The following DLG4 variants were observed in gnomAD, a reference collection of about 807,000 sequenced individuals.
The protein encoded by DLG4 is disks large homolog 4.
In DLG4, 7 loss-of-function variants were observed where a neutral mutation model predicts 93.8. The observed-to-expected ratio is 0.07, with a 90% CI of 0.04 to 0.14. DLG4 has a LOEUF of 0.14. DLG4 is among the 10% of genes least tolerant of loss of function. The pLI is 1.00. For synonymous variants in DLG4, 341 were observed against 387.6 expected, an observed-to-expected ratio of 0.88 and a Z score of 1.41; for missense variants, 545 against 992.9, an observed-to-expected ratio of 0.55 and a Z score of 6.06.
intron 8 of DLG4, among the ~76,000 whole-genome samples, chr17:7,199,691 T>G (rs2070010293): frequency 6.6e-6 from 1 of 151,892 alleles, no homozygotes; most frequent in Non-Finnish European, 1.5e-5. Flanking sequence ...CCAAAGATTT[T>G]AAATTGGCTG....
rs1272686835 is a variant in DLG4, at chr17:7,189,552, G to A, written c.*1156C>T. On this transcript the variant is annotated 3_prime_UTR_variant, in exon 20 of 20. Coordinates refer to ENST00000399506, the MANE Select transcript of DLG4 (RefSeq NM_001321075.3). ...ATCCTAGCTCTGTCCACAACTCCAT[G>A]AACATGAATGAACGAAGTTTCCTCT... 6.6e-6 allele frequency among the ~76,000 whole-genome samples: 1 copy of A among 152,072 alleles called. No homozygotes were observed. The highest frequency in any genetic ancestry group is 1.5e-5 in the Non-Finnish European group (1 of 68,024).
At position 7,190,704 on chromosome 17, in the gene DLG4, G is replaced by A. The variant is rs759224081; in HGVS notation, c.*4C>T. ...GGCGAGTCCAGGCCAAGCCAGGGCA[G>A]GAATCAGAGTCTCTCTCGGGCTGGA... is the stretch of plus-strand genomic sequence containing the variant. On this transcript the variant is annotated 3_prime_UTR_variant, in exon 20 of 20. Coordinates refer to ENST00000399506, the MANE Select transcript of DLG4 (RefSeq NM_001321075.3). 9 of 1,612,452 alleles carry A rather than the reference G, an allele frequency of 5.6e-6. No homozygotes were observed. Among genetic ancestry groups the A allele is most frequent in the Non-Finnish European group, 7.6e-6 (9 of 1,178,624 alleles).
intron 1 of DLG4, chr17:7,211,769 G>T (rs2070717957): frequency 7.6e-6 from 1 of 131,208 alleles, no homozygotes; most frequent in African/African-American, 3.0e-5. Context: ...TGGGGGAGGG[G>T]GAGGGGCAGA....
chr17:7,211,766 G>A (rs2070717523), intron 1 of DLG4: 1 of 131,970 alleles, frequency 7.6e-6, no homozygotes, highest in Non-Finnish European at 1.6e-5. Flanking sequence ...GGTTGGGGGA[G>A]GGGGAGGGGC....
chr17:7,214,589 T>C (rs1196817641), intron 1 of DLG4, among the ~76,000 whole-genome samples: 1 of 152,148 alleles, frequency 6.6e-6, no homozygotes, highest in Non-Finnish European at 1.5e-5. Context: ...ACCGCTTCGC[T>C]CCTGGGGCTC....
chr17:7,202,964 C>T lies in DLG4; in HGVS notation c.726G>A (p.Lys242=). 2 of 1,613,986 alleles carry T rather than the reference C, an allele frequency of 1.2e-6. No individual in the cohort carries two copies. Among genetic ancestry groups the T allele is most frequent in the Non-Finnish European group, 1.7e-6 (2 of 1,179,876 alleles). ...LKNTYDVVYL[K]VAKPSNAYLS... ...GGTAGGCATTGCTGGGCTTGGCCAC[C>T]TTTAGGTAGACAACATCATACGTGT... The change falls in exon 8 of 20, where the codon AAG becomes AAA. Residue 242 remains lysine, a synonymous_variant. Transcript: ENST00000399506.
upstream of DLG4, chr17:7,218,299 C>T: frequency 6.2e-7 from 1 of 1,605,122 alleles, no homozygotes; most frequent in African/African-American, 1.3e-5. Flanking sequence ...AGGAACAGAA[C>T]TGAGTTACCT....
chr17:7,200,362 G>A (rs951773617), intron 8 of DLG4, among the ~76,000 whole-genome samples: 6 of 152,082 alleles, frequency 3.9e-5, no homozygotes, highest in African/African-American at 7.2e-5. Flanking sequence ...CTTGTTTTAT[G>A]TCTTTCAGTA....
intron 1 of DLG4, among the ~76,000 whole-genome samples, chr17:7,212,525 G>A (rs1402555918): frequency 6.6e-6 from 1 of 152,086 alleles, no homozygotes; most frequent in Non-Finnish European, 1.5e-5. Flanking sequence ...AATCTAATAA[G>A]ATACTCATGA....
rs369651977 is a variant in DLG4 at position 7,203,036 on chromosome 17, C to T, written c.654G>A (p.Val218=). The change falls in exon 8 of 20, where the codon GTG becomes GTA. Residue 218 remains valine (V), a synonymous_variant. Transcript: ENST00000399506. The surrounding 1 kb of genome is among the most constrained non-coding windows in gnomAD (Gnocchi z 7.2). ...CTTCATGCATGACGTCCTCTAGCCC[C>T]ACACTGTTGACCTGGAGTCAAGGAA... is the stretch of plus-strand genomic sequence containing the variant. The part of the protein sequence containing the change: ...IGDKILAVNS[V]GLEDVMHEDA... 5.0e-6 allele frequency: 8 copies of T among 1,605,930 alleles called. No homozygotes were observed. The African/African-American group carries it at 9.4e-5, about 19-fold the overall frequency.
At position 7,196,593 on chromosome 17, in the gene DLG4, G is replaced by A; in HGVS notation, c.1084-18C>T. The A allele has an allele frequency of 1.9e-6, 3 of 1,613,342 alleles. No individual in the cohort carries two copies. Among genetic ancestry groups the A allele is most frequent in the Non-Finnish European group, 1.7e-6 (2 of 1,179,340 alleles). On this transcript the variant is annotated intron_variant, in intron 9 of 19. Transcript: ENST00000399506. This position sits in a 1 kb window ranked among gnomAD's most constrained non-coding sequence, Gnocchi z 8.3. ...CCGTTGACCTAGAGAGAGGACGACAGGCTGTGTCACCAGAGACAGGAGGCA... is the reference window on the plus strand; with the variant it reads ...CCGTTGACCTAGAGAGAGGACGACAAGCTGTGTCACCAGAGACAGGAGGCA...
At position 7,188,203 on chromosome 17, in the gene DLG4, T is replaced by C. The variant is rs1034478696; in HGVS notation, c.*2505A>G. Among the ~76,000 whole-genome samples, 5 of 152,106 alleles carry C rather than the reference T, an allele frequency of 3.3e-5. No individual in the cohort carries two copies. Among genetic ancestry groups the C allele is most frequent in the Non-Finnish European group, 5.9e-5 (4 of 68,024 alleles). On this transcript the variant is annotated 3_prime_UTR_variant, in exon 20 of 20. Coordinates refer to ENST00000399506, the MANE Select transcript of DLG4 (RefSeq NM_001321075.3). ...GGATCCTGATGGACTCGGTCCTGCA[T>C]AGAAAATCCTGCAGGGCAATACGTG...
At chr17:7,219,617 C>G (rs1001450141), upstream of DLG4, 1 of 1,206,590 alleles carries the variant, frequency 8.3e-7, no homozygotes, top group Non-Finnish European at 1.0e-6. Context: ...CTACTTTTCC[C>G]TTCTAACCCC....
chr17:7,188,395 G>T lies in DLG4; in HGVS notation c.*2313C>A, dbSNP rs1248887977. ...GCTACAAAAAATGCCCTTTTGCACT[G>T]TTTGGGATTTAACCACCATAACTCT... On this transcript the variant is annotated 3_prime_UTR_variant, in exon 20 of 20. Transcript: ENST00000399506. Among the ~76,000 whole-genome samples the T allele has an allele frequency of 6.6e-6, 1 of 152,134 alleles. No individual in the cohort carries two copies. Among genetic ancestry groups the T allele is most frequent in the African/African-American group, 2.4e-5 (1 of 41,422 alleles).
chr17:7,191,421 T>G lies in DLG4; in HGVS notation c.1977-63A>C. ...CCACCTGACCCTGCCTTTTATCTCC[T>G]CTATCCAGGAATGTTAAGTATTCTT... On this transcript the variant is annotated intron_variant, in intron 18 of 19. Coordinates refer to ENST00000399506, the MANE Select transcript of DLG4 (RefSeq NM_001321075.3). This position sits in a 1 kb window ranked among gnomAD's most constrained non-coding sequence, Gnocchi z 6.6. 8.0e-7 allele frequency: 1 copy of G among 1,244,886 alleles called. No individual in the cohort carries two copies. The highest frequency in any genetic ancestry group is 1.2e-6 in the Non-Finnish European group (1 of 848,436). The allele number at this position is 1,244,886 out of a possible 1,614,324, so 77.1% of individuals were successfully genotyped here.
upstream of DLG4, chr17:7,217,896 A>G: frequency 7.2e-7 from 1 of 1,395,414 alleles, no homozygotes; most frequent in African/African-American, 1.4e-5. Flanking sequence ...TACGGGAGGG[A>G]GGCCTCTCGG....
upstream of DLG4, chr17:7,219,377 G>A (rs535984005): frequency 9.9e-6 from 10 of 1,012,490 alleles, no homozygotes; most frequent in South Asian, 3.5e-4. Context: ...TACTAAGGGA[G>A]GGGCAGTGAA....
At chr17:7,213,738 A>C (rs2070797288) in intron 1 of DLG4, 10 of 470,938 alleles carry the variant, frequency 2.1e-5, no homozygotes, top group South Asian at 1.5e-4. Flanking sequence ...GGTCTCCTCA[A>C]ATCGGCTGAC....
chr17:7,201,944 T>C (rs188774686), intron 8 of DLG4, among the ~76,000 whole-genome samples: 2 of 152,316 alleles, frequency 1.3e-5, no homozygotes, highest in Non-Finnish European at 1.5e-5. Context: ...AATTGTATCA[T>C]TATAAAATGT....
Sources: allele counts gnomAD v4.1 joint callset (sites outside exome capture counted in the v4.1 genomes callset), GRCh38; gene constraint gnomAD v4.1.1; non-coding constraint Gnocchi (gnomAD v3.1); transcripts MANE v1.5; gene names NCBI Gene and HGNC (gene_info 2026-07-23, HGNC 2026-07-21).